Variants in POLDIP3 observed in about 807,000 individuals in gnomAD.
POLDIP3 encodes the protein DNA polymerase delta interacting protein 3.
Under a neutral mutation model 45.1 loss-of-function variants are expected in POLDIP3, and 14 were observed. That is an observed-to-expected ratio of 0.31 (90% CI 0.20 to 0.49). The LOEUF (loss-of-function observed/expected upper bound fraction) is 0.49. Ranked by LOEUF, POLDIP3 falls within the 20% of genes least tolerant of loss-of-function variation. The probability of loss-of-function intolerance (pLI) is 0.99; values close to 1 mark genes in which losing one functional copy is unlikely to be tolerated. For missense variants in POLDIP3, 511 were observed against 538.8 expected (o/e 0.95, Z 0.51); for synonymous variants, 223 against 205.2 (o/e 1.09, Z -0.74).
intron 7 of POLDIP3, among the ~76,000 whole-genome samples, chr22:42,590,434 T>C (rs1166342891): frequency 6.6e-6 from 1 of 152,184 alleles, no homozygotes; most frequent in Non-Finnish European, 1.5e-5. Context: ...TCCTCCTGCC[T>C]CAGCCTCCCA....
intron 4 of POLDIP3, chr22:42,597,656 T>C (rs928465394): frequency 6.5e-6 from 3 of 458,078 alleles, no homozygotes; most frequent in African/African-American, 2.0e-5. Context: ...GGGTATCAAA[T>C]AGGGATAGAG....
At chr22:42,607,976 G>A (rs1368026724) in intron 1 of POLDIP3, among the ~76,000 whole-genome samples, 2 of 149,118 alleles carry the variant, frequency 1.3e-5, no homozygotes, top group Admixed American at 6.7e-5. Flanking sequence ...CTGTTCGGGA[G>A]GTGGGGGGCG....
intron 1 of POLDIP3, 121 bp from the exon 2 acceptor site, chr22:42,603,281 T>G: frequency 3.0e-6 from 3 of 993,610 alleles, no homozygotes; most frequent in Non-Finnish European, 4.4e-6. Flanking sequence ...AGCGGCTCCT[T>G]GCCTGTGATT....
intron 6 of POLDIP3, among the ~76,000 whole-genome samples, chr22:42,593,933 G>A (rs1925825131): frequency 2.6e-5 from 4 of 152,180 alleles, no homozygotes; most frequent in African/African-American, 4.8e-5. Flanking sequence ...AGATACGAGT[G>A]ACCCATCTCA....
chr22:42,609,117 G>A (rs1375268244), intron 1 of POLDIP3, among the ~76,000 whole-genome samples: 1 of 152,168 alleles, frequency 6.6e-6, no homozygotes, highest in Non-Finnish European at 1.5e-5. Flanking sequence ...TAGAACTGCT[G>A]GGGGCTCCTT....
At chr22:42,595,210 G>A (rs893594962) in intron 6 of POLDIP3, among the ~76,000 whole-genome samples, 4 of 152,218 alleles carry the variant, frequency 2.6e-5, no homozygotes, top group African/African-American at 9.6e-5. Flanking sequence ...GAAGTGACCA[G>A]CCCCCAGTAA....
In POLDIP3 at chr22:42,585,761, C is replaced by T. The variant is rs1925265976; in HGVS notation, c.*30G>A. The T allele has an allele frequency of 1.3e-6, 2 of 1,599,072 alleles. No homozygotes were observed. Among genetic ancestry groups the T allele is most frequent in the South Asian group, 2.2e-5 (2 of 89,208 alleles). On this transcript the variant is annotated 3_prime_UTR_variant, in exon 9 of 9. Transcript: ENST00000252115. ...GGGGAAACAGAGCCACCCTCCTCTG[C>T]CCCCACTTCTGGCTGCCTCACTCCC... is the stretch of plus-strand genomic sequence containing the variant.
intron 7 of POLDIP3, among the ~76,000 whole-genome samples, chr22:42,591,030 C>T (rs1364841155): frequency 2.0e-5 from 3 of 150,012 alleles, no homozygotes; most frequent in Non-Finnish European, 3.0e-5. Context: ...GCTGAGATCA[C>T]GCCACTGCAC....
At chr22:42,607,493 C>G (rs950757090) in intron 1 of POLDIP3, among the ~76,000 whole-genome samples, 2 of 152,240 alleles carry the variant, frequency 1.3e-5, no homozygotes, top group Non-Finnish European at 2.9e-5. Context: ...CTTGGCCTCC[C>G]AAAGTGCCGA....
chr22:42,598,625 C>G (rs553376449), intron 4 of POLDIP3, among the ~76,000 whole-genome samples: 4 of 152,302 alleles, frequency 2.6e-5, no homozygotes, highest in Admixed American at 2.6e-4. Flanking sequence ...ACCTTGTGAT[C>G]TGCCCGCCTC....
In POLDIP3 at chr22:42,605,708, C is replaced by T. The variant is rs192151206; in HGVS notation, c.60-2548G>A. ...CAAAGGAAGGGAGTGTTCAGGGGGT[C>T]GGCATGCACGATTAGAAAGAAATGG... On this transcript the variant is annotated intron_variant, in intron 1 of 8. Coordinates refer to ENST00000252115, the MANE Select transcript of POLDIP3 (RefSeq NM_032311.5). 8.7e-4 allele frequency among the ~76,000 whole-genome samples: 133 copies of T among 152,038 alleles called. 1 individual carries two copies. Among genetic ancestry groups the T allele is most frequent in the African/African-American group, 3.1e-3 (129 of 41,438 alleles).
chr22:42,596,756 C>T (rs1926017717), intron 4 of POLDIP3, among the ~76,000 whole-genome samples: 2 of 152,238 alleles, frequency 1.3e-5, no homozygotes, highest in African/African-American at 4.8e-5. Context: ...TAGTGGATCA[C>T]ATCTGCCATC....
chr22:42,587,471 C>T, intron 8 of POLDIP3, 35 bp downstream of exon 8: 1 of 1,577,026 alleles, frequency 6.3e-7, no homozygotes. Context: ...ATGGACGGAG[C>T]TGCCTCTCCC....
intron 1 of POLDIP3, among the ~76,000 whole-genome samples, chr22:42,608,428 T>TCAAAA (rs892967244): frequency 1.3e-5 from 2 of 149,678 alleles, no homozygotes; most frequent in Non-Finnish European, 3.0e-5. Flanking sequence ...GTCTCAAAAA[T>TCAAAA]CAAAACAAAA....
chr22:42,607,390 G>A (rs1318118453), intron 1 of POLDIP3, among the ~76,000 whole-genome samples: 1 of 152,394 alleles, frequency 6.6e-6, no homozygotes, highest in African/African-American at 2.4e-5. Flanking sequence ...CGGGATTGCA[G>A]ACGGAGTCTC....
chr22:42,596,060 T>C (rs1363062485), intron 5 of POLDIP3, 126 bp downstream of exon 5: 6 of 1,076,688 alleles, frequency 5.6e-6, no homozygotes, highest in Non-Finnish European at 8.1e-6. Context: ...AGGTCTTGGT[T>C]TGCTCATCTG....
At chr22:42,595,427 T>C in intron 6 of POLDIP3, 110 bp downstream of exon 6, 2 of 942,196 alleles carry the variant, frequency 2.1e-6, no homozygotes, top group Non-Finnish European at 3.5e-6. Flanking sequence ...CGTGACTATA[T>C]GCTGAGTCTG....
rs977035759 is a variant in POLDIP3, at chr22:42,598,722, A to G, written c.633+976T>C. Among the ~76,000 whole-genome samples, 7 of 152,296 alleles carry G rather than the reference A, an allele frequency of 4.6e-5. No homozygotes were observed. The South Asian group carries it at 1.4e-3, about 32-fold the overall frequency. On this transcript the variant is annotated intron_variant, in intron 4 of 8. Coordinates refer to ENST00000252115, the MANE Select transcript of POLDIP3 (RefSeq NM_032311.5). Reference sequence around the variant, plus strand: ...ATTACTAACCAGGAGGCTGGTCCACATACTCAGGACAGTAACCAAAACTGA... The same window carrying G: ...ATTACTAACCAGGAGGCTGGTCCACGTACTCAGGACAGTAACCAAAACTGA...
chr22:42,614,201 G>C (rs986648774), intron 1 of POLDIP3, among the ~76,000 whole-genome samples: 8 of 152,154 alleles, frequency 5.3e-5, no homozygotes, highest in Admixed American at 2.0e-4. Context: ...ATCAGTAAAA[G>C]GTGGGTAACA....
Sources: gnomAD v4.1 joint callset for allele counts (sites outside exome capture counted in the v4.1 genomes callset) on GRCh38, gnomAD v4.1.1 for gene constraint, MANE v1.5 for transcripts, NCBI Gene and HGNC (gene_info 2026-07-23, HGNC 2026-07-21) for gene names.